Variants in PBX4 observed in about 807,000 individuals in gnomAD.
The protein encoded by PBX4 is pre-B-cell leukemia transcription factor 4.
PBX4 carries 26 observed loss-of-function variants against 35.1 expected under a neutral mutation model. That is an observed-to-expected ratio of 0.74 (90% CI 0.54 to 1.03). The LOEUF is 1.03. Ranked by LOEUF, PBX4 falls within the 50% of genes least tolerant of loss-of-function variation. The pLI is 0.00. For synonymous variants in PBX4, 199 were observed against 204.2 expected (o/e 0.97, Z 0.22); for missense variants, 448 against 504.3 (o/e 0.89, Z 1.07).
chr19:19,614,560 G>A (rs1446678493), intron 1 of PBX4, among the ~76,000 whole-genome samples: 3 of 151,558 alleles, frequency 2.0e-5, no homozygotes, highest in South Asian at 2.1e-4. Flanking sequence ...ACTTGAACCC[G>A]GGAGGCGGAG....
chr19:19,577,723 G>A (rs1431485652), intron 2 of PBX4, among the ~76,000 whole-genome samples: 2 of 152,074 alleles, frequency 1.3e-5, no homozygotes, highest in Non-Finnish European at 2.9e-5. Flanking sequence ...GCCAAGCGTG[G>A]TGGCGCGTGC....
chr19:19,584,971 C>T (rs2144741902), intron 2 of PBX4, among the ~76,000 whole-genome samples: 1 of 152,202 alleles, frequency 6.6e-6, no homozygotes, highest in Admixed American at 6.5e-5. Flanking sequence ...ACTGAGTTTA[C>T]TCCTTAACTC....
At chr19:19,610,989 T>C (rs867426393) in intron 1 of PBX4, among the ~76,000 whole-genome samples, 68 of 152,218 alleles carry the variant, frequency 4.5e-4, no homozygotes, top group African/African-American at 1.5e-3. Context: ...ATGCTAATGC[T>C]ATCTGGCTCT....
intron 2 of PBX4, among the ~76,000 whole-genome samples, chr19:19,577,194 CA>C (rs35798518): frequency 0.31 from 30,717 of 100,298 alleles, 2,997 homozygotes; most frequent in East Asian, 0.33. Flanking sequence ...GACTCCATGT[CA>C]AAAAAAAAAA....
chr19:19,562,573 G>A lies in PBX4; in HGVS notation c.1033-456C>T, dbSNP rs1237951096. Among the ~76,000 whole-genome samples, 1 of 152,174 alleles carries A rather than the reference G, an allele frequency of 6.6e-6. No homozygotes were observed. On this transcript the variant is annotated intron_variant, in intron 7 of 7. Coordinates refer to ENST00000251203, the MANE Select transcript of PBX4 (RefSeq NM_025245.3). The surrounding 1 kb of genome is among the most constrained non-coding windows in gnomAD (Gnocchi z 4.8). ...GGGAGGCAACCACTTGTCATAAGGG[G>A]TGGGGGCTCTGTCTGCAGTGCAGAG...
intron 5 of PBX4, among the ~76,000 whole-genome samples, chr19:19,567,354 C>T (rs148928174): frequency 1.7e-4 from 26 of 152,320 alleles, no homozygotes; most frequent in Non-Finnish European, 3.7e-4. Context: ...TTGCTGCCTG[C>T]GTGACCCCGA....
intron 1 of PBX4, among the ~76,000 whole-genome samples, chr19:19,613,867 C>T (rs1438702038): frequency 6.6e-6 from 1 of 152,140 alleles, no homozygotes; most frequent in Non-Finnish European, 1.5e-5. Context: ...TCACGGAAGG[C>T]ACCCTCTCCT....
rs147300531 is a variant in PBX4, at chr19:19,570,807, C to T, written c.220G>A (p.Glu74Lys). ...AGGAGCTGGGCGTCAGGGGGATCTTCGTCTTGAATGCCACGGATGCTTACC... is the reference window on the plus strand; with the variant it reads ...AGGAGCTGGGCGTCAGGGGGATCTTTGTCTTGAATGCCACGGATGCTTACC... Reference protein sequence around the residue: ...TVVSIRGIQDEDPPDAQLLRL... With the variant: ...TVVSIRGIQDKDPPDAQLLRL... The change falls in exon 3 of 8, where the codon GAA becomes AAA. Residue 74 changes from glutamate (E) to lysine (K), a missense_variant. Glu to Lys is a moderately conservative substitution (Grantham distance 56, BLOSUM62 1). Coordinates refer to ENST00000251203, the MANE Select transcript of PBX4 (RefSeq NM_025245.3). 1.4e-5 allele frequency: 22 copies of T among 1,613,956 alleles called. No homozygotes were observed. The East Asian group carries it at 3.1e-4, about 23-fold the overall frequency.
intron 6 of PBX4, chr19:19,564,666 G>T: frequency 2.5e-6 from 1 of 404,088 alleles, no homozygotes; most frequent in Non-Finnish European, 4.5e-6. Context: ...CTCCCAAAAT[G>T]CTGGGATTAC....
At chr19:19,567,353 G>A (rs1293744005) in intron 5 of PBX4, among the ~76,000 whole-genome samples, 8 of 152,214 alleles carry the variant, frequency 5.3e-5, no homozygotes, top group Non-Finnish European at 1.5e-5. Flanking sequence ...TTTGCTGCCT[G>A]CGTGACCCCG....
chr19:19,599,282 A>C lies in PBX4; in HGVS notation c.193+10T>G. The C allele has an allele frequency of 6.2e-7, 1 of 1,610,196 alleles. No individual in the cohort carries two copies. Among genetic ancestry groups the C allele is most frequent in the Non-Finnish European group, 8.5e-7 (1 of 1,177,150 alleles). On this transcript the variant is annotated intron_variant, in intron 2 of 7. Transcript: ENST00000251203. ...ACGCTCGGCCAGAAAGTGTCTTCTA[A>C]ACAGCCTACCTGTCTTTTCCTTGAT...
intron 2 of PBX4, among the ~76,000 whole-genome samples, chr19:19,589,433 A>AAAAT (rs1041610786): frequency 6.0e-5 from 9 of 149,528 alleles, no homozygotes; most frequent in African/African-American, 1.5e-4. Flanking sequence ...GACTCTGTCT[A>AAAAT]AAATAAATAA....
At chr19:19,583,506 G>A (rs2061468827) in intron 2 of PBX4, among the ~76,000 whole-genome samples, 1 of 151,794 alleles carries the variant, frequency 6.6e-6, no homozygotes, top group South Asian at 2.1e-4. Flanking sequence ...CCAGCTACTC[G>A]AGAAGCTGAG....
intron 5 of PBX4, among the ~76,000 whole-genome samples, chr19:19,567,083 T>A (rs1010506767): frequency 6.6e-6 from 1 of 152,192 alleles, no homozygotes; most frequent in Non-Finnish European, 1.5e-5. Context: ...TGCTCTCTGT[T>A]CCAAACATAG....
intron 2 of PBX4, among the ~76,000 whole-genome samples, chr19:19,585,282 G>A (rs762167568): frequency 1.5e-4 from 23 of 151,438 alleles, no homozygotes; most frequent in Non-Finnish European, 2.9e-4. Context: ...TCCAGATTGC[G>A]CCACTATACT....
rs2061372346 is a variant in PBX4 at position 19,570,185 on chromosome 19, T to TGAACTTGCCGTGAATGGCGCC, written c.535_555dup (p.Gly179_Phe185dup). 1 of 1,614,110 alleles carries TGAACTTGCCGTGAATGGCGCC rather than the reference T, an allele frequency of 6.2e-7. No homozygotes were observed. Among genetic ancestry groups the TGAACTTGCCGTGAATGGCGCC allele is most frequent in the East Asian group, 2.2e-5 (1 of 44,886 alleles). On this transcript the variant is annotated inframe_insertion, in exon 4 of 8. Transcript: ENST00000251203. ...TGCTTCAACTGCATCTGGATGGCGC[T>TGAACTTGCCGTGAATGGCGCC]GAACTTGCCGTGAATGGCGCCGACC... is the stretch of plus-strand genomic sequence containing the variant.
intron 1 of PBX4, among the ~76,000 whole-genome samples, chr19:19,612,250 G>A (rs553061725): frequency 6.5e-4 from 99 of 152,104 alleles, no homozygotes; most frequent in Admixed American, 6.4e-3. Context: ...GTATCCCAGC[G>A]AGGGCAACAG....
At position 19,561,783 on chromosome 19, in the gene PBX4, G is replaced by A. The variant is rs540396999; in HGVS notation, c.*242C>T. ...TAGAACAGACAATTCAATTCATAGC[G>A]TTACCATAAAATTACTGTCAAAAAA... On this transcript the variant is annotated 3_prime_UTR_variant, in exon 8 of 8. Coordinates refer to ENST00000251203, the MANE Select transcript of PBX4 (RefSeq NM_025245.3). The A allele has an allele frequency of 9.8e-5, 44 of 447,388 alleles. No individual in the cohort carries two copies. In the South Asian group the frequency reaches 1.0e-3, roughly 11 times the overall value. 27.7% of individuals were successfully genotyped at this position (447,388 alleles called of 1,614,324 possible). A position where few individuals can be genotyped will look rare whatever the true frequency, so the allele number is the denominator to read the frequency against.
At chr19:19,597,065 T>A (rs2061565870) in intron 2 of PBX4, among the ~76,000 whole-genome samples, 1 of 151,846 alleles carries the variant, frequency 6.6e-6, no homozygotes, top group Non-Finnish European at 1.5e-5. Context: ...ATACAAAAAA[T>A]TAGCTGGGTG....
Sources: gnomAD v4.1 joint callset for allele counts (sites outside exome capture counted in the v4.1 genomes callset) on GRCh38, gnomAD v4.1.1 for gene constraint, Gnocchi (gnomAD v3.1) non-coding constraint, MANE v1.5 for transcripts, NCBI Gene and HGNC (gene_info 2026-07-23, HGNC 2026-07-21) for gene names.